EBF1: variants seen among roughly 807,000 people sequenced by gnomAD.
EBF1 encodes EBF transcription factor 1.
A neutral mutation model predicts 68.4 loss-of-function variants in EBF1; 10 were observed. The observed-to-expected ratio is 0.15, with a 90% confidence interval of 0.09 to 0.25. The LOEUF is 0.25. EBF1 is among the 10% of genes least tolerant of loss of function. The pLI, the probability that EBF1 is intolerant of heterozygous loss-of-function variation, is 1.00. For synonymous variants in EBF1, 298 were observed against 299.8 expected (o/e 0.99, Z 0.06); for missense variants, 509 against 794.4 (o/e 0.64, Z 4.32).
At chr5:159,098,651 T>G (rs1584611708) in intron 1 of EBF1, among the ~76,000 whole-genome samples, 8 of 130,900 alleles carry the variant, frequency 6.1e-5, no homozygotes, top group African/African-American at 8.8e-5. Context: ...TAAGGGAAGG[T>G]GGGGGAAAGA....
At chr5:159,069,747 C>T (rs908268088) in intron 6 of EBF1, among the ~76,000 whole-genome samples, 6 of 152,024 alleles carry the variant, frequency 3.9e-5, no homozygotes, top group Non-Finnish European at 4.4e-5. Context: ...TAAGAACCTC[C>T]CTCATTAGTC....
intron 6 of EBF1, among the ~76,000 whole-genome samples, chr5:158,852,572 C>T (rs1793166379): frequency 6.6e-6 from 1 of 152,132 alleles, no homozygotes; most frequent in Admixed American, 6.5e-5. Context: ...GCATCATGCC[C>T]ACAGAGCACT....
At chr5:158,737,598 T>C (rs1765495832) in intron 10 of EBF1, among the ~76,000 whole-genome samples, 1 of 152,092 alleles carries the variant, frequency 6.6e-6, no homozygotes, top group African/African-American at 2.4e-5. Flanking sequence ...TGATGTCTTA[T>C]TTGTAGTCTT....
intron 2 of EBF1, 132 bp downstream of exon 2, chr5:159,096,842 G>A: frequency 8.1e-7 from 1 of 1,227,626 alleles, no homozygotes; most frequent in Non-Finnish European, 1.1e-6. Flanking sequence ...GATGGGAAGT[G>A]GCTTGGGGGA....
At chr5:158,988,060 T>C (rs1236610566) in intron 6 of EBF1, among the ~76,000 whole-genome samples, 3 of 152,196 alleles carry the variant, frequency 2.0e-5, no homozygotes, top group Non-Finnish European at 4.4e-5. Context: ...AAATACTGTA[T>C]TTTCAGCATC....
chr5:158,871,147 A>G (rs183461733), intron 6 of EBF1, among the ~76,000 whole-genome samples: 2 of 152,334 alleles, frequency 1.3e-5, no homozygotes, highest in African/African-American at 4.8e-5. Flanking sequence ...GAAATATCAG[A>G]TAAGTGAGGT....
chr5:158,737,130 A>G (rs1171875376), intron 10 of EBF1, among the ~76,000 whole-genome samples: 1 of 152,102 alleles, frequency 6.6e-6, no homozygotes, highest in Non-Finnish European at 1.5e-5. Context: ...GGAGGGCTTC[A>G]GGGAAGGACT....
chr5:158,757,871 C>T (rs578083438), intron 10 of EBF1, among the ~76,000 whole-genome samples: 6 of 152,194 alleles, frequency 3.9e-5, no homozygotes, highest in Middle Eastern at 3.4e-3. Flanking sequence ...TAATAAGAAT[C>T]GGGGGCTTTG....
At chr5:158,974,479 T>C (rs1167534827) in intron 6 of EBF1, among the ~76,000 whole-genome samples, 1 of 152,124 alleles carries the variant, frequency 6.6e-6, no homozygotes, top group Non-Finnish European at 1.5e-5. Context: ...AGTTTATTGG[T>C]GAGAAAAAAA....
At chr5:159,044,142 A>G (rs1000074483) in intron 6 of EBF1, among the ~76,000 whole-genome samples, 1 of 152,330 alleles carries the variant, frequency 6.6e-6, no homozygotes, top group South Asian at 2.1e-4. Flanking sequence ...TTCTGTGTAT[A>G]TCATATGAAG....
chr5:158,861,198 TA>T (rs928500789), intron 6 of EBF1, among the ~76,000 whole-genome samples: 3 of 150,712 alleles, frequency 2.0e-5, no homozygotes, highest in Non-Finnish European at 4.4e-5. Flanking sequence ...AAAGGCAGGC[TA>T]AAAAAAAATA....
At chr5:159,017,846 C>T (rs2127702384) in intron 6 of EBF1, among the ~76,000 whole-genome samples, 1 of 152,300 alleles carries the variant, frequency 6.6e-6, no homozygotes, top group East Asian at 1.9e-4. Context: ...AGTATTAGGA[C>T]ACCTTGTTAT....
At chr5:158,804,477 C>A (rs548807351) in intron 8 of EBF1, among the ~76,000 whole-genome samples, 28 of 152,160 alleles carry the variant, frequency 1.8e-4, no homozygotes, top group African/African-American at 6.5e-4. Flanking sequence ...CATTCCAGGG[C>A]AAGCGCTTTT....
intron 6 of EBF1, among the ~76,000 whole-genome samples, chr5:158,873,903 C>T (rs1797331387): frequency 6.6e-6 from 1 of 152,172 alleles, no homozygotes; most frequent in East Asian, 1.9e-4. Context: ...TGCAGATCAA[C>T]AGTGAGAAGC....
At chr5:158,793,492 T>C (rs944789694) in intron 9 of EBF1, among the ~76,000 whole-genome samples, 2 of 152,190 alleles carry the variant, frequency 1.3e-5, no homozygotes, top group African/African-American at 4.8e-5. Flanking sequence ...TCATTTTTTT[T>C]CTTTCTTTCC....
intron 6 of EBF1, among the ~76,000 whole-genome samples, chr5:158,895,031 T>C: frequency 6.6e-6 from 1 of 152,210 alleles, no homozygotes; most frequent in East Asian, 1.9e-4. Flanking sequence ...ACAAAGATTA[T>C]AATGAATGCC....
intron 9 of EBF1, among the ~76,000 whole-genome samples, chr5:158,786,752 T>G (rs1777528281): frequency 6.6e-6 from 1 of 152,142 alleles, no homozygotes; most frequent in Admixed American, 6.6e-5. Context: ...GAAATCAGAA[T>G]GCATTTATGG....
chr5:158,888,716 T>C (rs917060504), intron 6 of EBF1, among the ~76,000 whole-genome samples: 2 of 152,222 alleles, frequency 1.3e-5, no homozygotes, highest in Non-Finnish European at 1.5e-5. Context: ...TGTCTCGATA[T>C]GAATTTACTC....
intron 8 of EBF1, among the ~76,000 whole-genome samples, chr5:158,822,271 T>TGGAC (rs1213508868): frequency 2.6e-5 from 2 of 76,028 alleles, no homozygotes; most frequent in East Asian, 5.1e-4. Flanking sequence ...GATGGACGGA[T>TGGAC]GGATGGATGG....
Sources: gnomAD v4.1 joint callset for allele counts (sites outside exome capture counted in the v4.1 genomes callset) on GRCh38, gnomAD v4.1.1 for gene constraint, MANE v1.5 for transcripts, NCBI Gene and HGNC (gene_info 2026-07-23, HGNC 2026-07-21) for gene names.